Variants in MOXD1 observed in about 807,000 individuals in gnomAD.
MOXD1 encodes the protein DBH-like monooxygenase protein 1.
In MOXD1, 62 loss-of-function variants were observed where a neutral mutation model predicts 66.6. That is an observed-to-expected ratio of 0.93 (90% CI 0.76 to 1.15). The LOEUF (loss-of-function observed/expected upper bound fraction) is 1.15. MOXD1 is among the 50% of genes most tolerant of loss of function. The pLI is 0.00. For missense variants in MOXD1, 847 were observed against 754.6 expected (o/e 1.12, Z -1.44); for synonymous variants, 303 against 281.9 (o/e 1.07, Z -0.75).
chr6:132,350,109 G>A lies in MOXD1; in HGVS notation c.664-21515C>T, dbSNP rs529186532. Reference sequence around the variant, plus strand: ...CTCTGCTGACTATTCCTTTTGAGGTGCAAAAGCTCTTTAGTTTAATTAGGT... The same window carrying A: ...CTCTGCTGACTATTCCTTTTGAGGTACAAAAGCTCTTTAGTTTAATTAGGT... On this transcript the variant is annotated intron_variant, in intron 4 of 11. Coordinates refer to ENST00000367963, the MANE Select transcript of MOXD1 (RefSeq NM_015529.4). 1.2e-4 allele frequency among the ~76,000 whole-genome samples: 18 copies of A among 152,300 alleles called. No individual in the cohort carries two copies. The South Asian group carries it at 1.4e-3, about 12-fold the overall frequency.
At chr6:132,328,354 T>A (rs1775234214) in intron 5 of MOXD1, 61 bp downstream of exon 5, 1 of 1,581,162 alleles carries the variant, frequency 6.3e-7, no homozygotes, top group Non-Finnish European at 8.6e-7. Flanking sequence ...ATTAGAATCA[T>A]ATTTGTGGCG....
chr6:132,326,863 C>G (rs1381517400), intron 6 of MOXD1, among the ~76,000 whole-genome samples: 2 of 152,180 alleles, frequency 1.3e-5, no homozygotes, highest in African/African-American at 4.8e-5. Context: ...AAACATCACT[C>G]TTTAAATATC....
intron 4 of MOXD1, among the ~76,000 whole-genome samples, chr6:132,353,790 A>AAT (rs1775853398): frequency 6.6e-6 from 1 of 152,110 alleles, no homozygotes; most frequent in South Asian, 2.1e-4. Context: ...CTTCCTCAGG[A>AAT]ATACCTCTTC....
At chr6:132,349,636 C>T (rs903872515) in intron 4 of MOXD1, among the ~76,000 whole-genome samples, 4 of 151,260 alleles carry the variant, frequency 2.6e-5, no homozygotes, top group Non-Finnish European at 1.5e-5. Flanking sequence ...GGGTAGATAC[C>T]CAGTAGTGAG....
chr6:132,360,747 T>C (rs1034801551), intron 4 of MOXD1, among the ~76,000 whole-genome samples: 1 of 152,210 alleles, frequency 6.6e-6, no homozygotes, highest in Non-Finnish European at 1.5e-5. Flanking sequence ...ACGTGTTATA[T>C]TGCTCTATAT....
chr6:132,397,659 AAAG>A (rs1776921206), intron 1 of MOXD1, among the ~76,000 whole-genome samples: 2 of 138,140 alleles, frequency 1.4e-5, no homozygotes, highest in South Asian at 4.6e-4. Context: ...AGAAAGAAAG[AAAG>A]AAAGAAAGAA....
rs973055847 is a variant in MOXD1 at position 132,296,885 on chromosome 6, T to C, written c.*268A>G. ...AAGAAAGAATTCTTTTATTCCCACATGACAGCCCAATTTTTTAAAATGGTT... is the reference window on the plus strand; with the variant it reads ...AAGAAAGAATTCTTTTATTCCCACACGACAGCCCAATTTTTTAAAATGGTT... On this transcript the variant is annotated 3_prime_UTR_variant, in exon 12 of 12. Transcript: ENST00000367963. 2.4e-4 allele frequency: 66 copies of C among 275,042 alleles called. No individual in the cohort carries two copies. The highest frequency in any genetic ancestry group is 1.4e-3 in the African/African-American group (65 of 46,186). The allele number at this position is 275,042 out of a possible 1,614,324, so 17.0% of individuals were successfully genotyped here.
At chr6:132,314,093 C>T (rs1425212046) in intron 10 of MOXD1, among the ~76,000 whole-genome samples, 1 of 152,176 alleles carries the variant, frequency 6.6e-6, no homozygotes, top group Non-Finnish European at 1.5e-5. Flanking sequence ...TTCTCACTGA[C>T]ATCAGTAAGA....
rs1554239404 is a variant in MOXD1, at chr6:132,398,935, C to CACAA, written c.264+2227_264+2228insTTGT. On this transcript the variant is annotated intron_variant, in intron 1 of 11. Coordinates refer to ENST00000367963, the MANE Select transcript of MOXD1 (RefSeq NM_015529.4). ...CCTGGGCAATAAAGAGAGACTTTGT[C>CACAA]AAAAAAAAAAAAAAAAAAAAGAGAA... Among the ~76,000 whole-genome samples the CACAA allele has an allele frequency of 3.8e-3, 288 of 74,992 alleles. 8 individuals carry two copies. Among genetic ancestry groups the CACAA allele is most frequent in the South Asian group, 9.4e-3 (16 of 1,708 alleles). 49.2% of individuals were successfully genotyped at this position (74,992 alleles called of 152,430 possible). A position where few individuals can be genotyped will look rare whatever the true frequency, so the allele number is the denominator to read the frequency against.
chr6:132,392,991 A>G (rs1776798750), intron 1 of MOXD1, among the ~76,000 whole-genome samples: 1 of 152,192 alleles, frequency 6.6e-6, no homozygotes, highest in South Asian at 2.1e-4. Context: ...TGCCCTCTGG[A>G]GGTAGTCTCA....
intron 1 of MOXD1, among the ~76,000 whole-genome samples, chr6:132,395,056 G>A (rs1249228155): frequency 6.6e-6 from 1 of 152,022 alleles, no homozygotes; most frequent in Non-Finnish European, 1.5e-5. Flanking sequence ...AAAAAAGCAA[G>A]AGAAAAGCAT....
rs775874317 is a variant in MOXD1, at chr6:132,297,968, G to T, written c.1509-13C>A. The T allele has an allele frequency of 1.9e-6, 3 of 1,599,636 alleles. No homozygotes were observed. Among genetic ancestry groups the T allele is most frequent in the Non-Finnish European group, 1.7e-6 (2 of 1,174,806 alleles). On this transcript the variant is annotated splice_polypyrimidine_tract_variant and intron_variant, in intron 10 of 11. Transcript: ENST00000367963. ...GAAAGGCCAGGTCCTGAATTTAAAA[G>T]ACACAGTTAGTCATATTCAGAACAA... is the stretch of plus-strand genomic sequence containing the variant.
chr6:132,350,855 T>G (rs576406179), intron 4 of MOXD1, among the ~76,000 whole-genome samples: 35 of 152,220 alleles, frequency 2.3e-4, no homozygotes, highest in African/African-American at 7.9e-4. Context: ...TGGTTAGGTA[T>G]ATTTCTAAGT....
At chr6:132,339,841 G>A (rs1001078109) in intron 4 of MOXD1, among the ~76,000 whole-genome samples, 2 of 151,800 alleles carry the variant, frequency 1.3e-5, no homozygotes, top group African/African-American at 4.8e-5. Context: ...CAATGTTAAG[G>A]GCAAGCTCAA....
Position 132,305,978 on chromosome 6 carries a change from G to A in MOXD1, c.1509-8023C>T, listed in dbSNP as rs761130773. Among the ~76,000 whole-genome samples the A allele has an allele frequency of 8.5e-5, 13 of 152,174 alleles. No homozygotes were observed. In the East Asian group the frequency reaches 1.4e-3, roughly 16 times the overall value. On this transcript the variant is annotated intron_variant, in intron 10 of 11. Coordinates refer to ENST00000367963, the MANE Select transcript of MOXD1 (RefSeq NM_015529.4). ...TTCTCCTCCAAATGATTGCAACATC[G>A]CTCCATCAAGGGTGCAGAACTAGAT...
Position 132,372,879 on chromosome 6 carries a change from G to T in MOXD1, c.530C>A (p.Thr177Asn). ...KSLRLLNPEK[T>N]SVLSTALPYF... Reference sequence around the variant, plus strand: ...TGGTAAGGCTGTAGATAGCACACTAGTTTTCTCAGGATTCAATAACCGCAA... The same window carrying T: ...TGGTAAGGCTGTAGATAGCACACTATTTTTCTCAGGATTCAATAACCGCAA... Residue 177 changes from threonine to asparagine, a missense_variant, in exon 3 of 12, where the codon ACT (threonine) becomes AAT (asparagine). Physicochemically the swap from Thr to Asn is moderately conservative, Grantham distance 65. Coordinates refer to ENST00000367963, the MANE Select transcript of MOXD1 (RefSeq NM_015529.4). 6.2e-7 allele frequency: 1 copy of T among 1,614,038 alleles called. No homozygotes were observed. Among genetic ancestry groups the T allele is most frequent in the Non-Finnish European group, 8.5e-7 (1 of 1,179,948 alleles).
chr6:132,329,234 C>T (rs768193303), intron 4 of MOXD1, among the ~76,000 whole-genome samples: 11 of 152,070 alleles, frequency 7.2e-5, no homozygotes, highest in African/African-American at 1.2e-4. Context: ...CTGTCCTTGG[C>T]GATAGTTTGC....
At chr6:132,358,321 G>C (rs1775947758) in intron 4 of MOXD1, among the ~76,000 whole-genome samples, 1 of 152,192 alleles carries the variant, frequency 6.6e-6, no homozygotes, top group Admixed American at 6.5e-5. Flanking sequence ...GCACTGAAAA[G>C]AGTTCAACAC....
intron 4 of MOXD1, among the ~76,000 whole-genome samples, chr6:132,361,978 T>A (rs922689885): frequency 6.6e-6 from 1 of 152,132 alleles, no homozygotes; most frequent in African/African-American, 2.4e-5. Flanking sequence ...AACTTGAATA[T>A]AAAATATCTC....
Sources: gnomAD v4.1 joint callset for allele counts (sites outside exome capture counted in the v4.1 genomes callset) on GRCh38, gnomAD v4.1.1 for gene constraint, MANE v1.5 for transcripts, NCBI Gene and HGNC (gene_info 2026-07-23, HGNC 2026-07-21) for gene names.